Variants in OPCML observed in about 807,000 individuals in gnomAD.
OPCML encodes the protein opioid-binding protein/cell adhesion molecule.
In OPCML, 13 loss-of-function variants were observed where a neutral mutation model predicts 37.8. The ratio of observed to expected loss-of-function variants is 0.34; its 90% CI spans 0.22 to 0.55. The LOEUF is 0.55. OPCML is among the 20% of genes least tolerant of loss of function. The probability of loss-of-function intolerance (pLI) is 0.91; values close to 1 mark genes in which losing one functional copy is unlikely to be tolerated. For missense variants in OPCML, 341 were observed against 435.6 expected (o/e 0.78, Z 1.93); for synonymous variants, 176 against 168.8 (o/e 1.04, Z -0.33).
intron 2 of OPCML, among the ~76,000 whole-genome samples, chr11:132,694,284 C>T (rs780993565): frequency 7.2e-6 from 1 of 139,660 alleles, no homozygotes; most frequent in Non-Finnish European, 1.5e-5. Flanking sequence ...CTGCAATCTC[C>T]GCCTCCGGGG....
chr11:132,815,812 C>A (rs1939601622), intron 2 of OPCML, among the ~76,000 whole-genome samples: 1 of 152,100 alleles, frequency 6.6e-6, no homozygotes, highest in Non-Finnish European at 1.5e-5. Flanking sequence ...GGTTGAAGAT[C>A]TAGAAGAAGA....
At chr11:132,601,984 C>T (rs185621942) in intron 3 of OPCML, among the ~76,000 whole-genome samples, 4 of 152,238 alleles carry the variant, frequency 2.6e-5, no homozygotes, top group East Asian at 1.9e-4. Flanking sequence ...TCCCTCCAGG[C>T]ACTATGATTC....
At chr11:132,447,594 G>A (rs760405999) in intron 4 of OPCML, among the ~76,000 whole-genome samples, 5 of 152,058 alleles carry the variant, frequency 3.3e-5, no homozygotes, top group Non-Finnish European at 7.3e-5. Context: ...ACAGGCGTGA[G>A]CCACCATACC....
At chr11:132,431,544 A>G (rs1043859512) in intron 7 of OPCML, among the ~76,000 whole-genome samples, 11 of 152,198 alleles carry the variant, frequency 7.2e-5, no homozygotes, top group Non-Finnish European at 1.5e-4. Flanking sequence ...AACCGGTGTG[A>G]TAAAGAAGAA....
intron 1 of OPCML, among the ~76,000 whole-genome samples, chr11:133,222,329 A>G (rs1201636778): frequency 6.6e-6 from 1 of 152,210 alleles, no homozygotes; most frequent in Admixed American, 6.5e-5. Context: ...GCCAGGCAGG[A>G]GGTGAAAGTG....
chr11:133,302,226 A>T (rs1236245251), intron 1 of OPCML: 1 of 152,168 alleles, frequency 6.6e-6, no homozygotes, highest in Non-Finnish European at 1.5e-5. Context: ...GGGCAGGACC[A>T]GGTGGAGGTA....
At chr11:133,100,703 ATACAATGGAGTAAAGATAGTC>A (rs1210224874) in intron 1 of OPCML, among the ~76,000 whole-genome samples, 7 of 152,220 alleles carry the variant, frequency 4.6e-5, no homozygotes, top group Admixed American at 4.6e-4. Flanking sequence ...ACCAAAGGCA[ATACAATGGAGTAAAGATAGTC>A]CTCAATGAAT....
At chr11:132,545,191 C>G (rs964993390) in intron 3 of OPCML, among the ~76,000 whole-genome samples, 15 of 152,070 alleles carry the variant, frequency 9.9e-5, no homozygotes, top group African/African-American at 3.6e-4. Context: ...ATACATTAAG[C>G]AGGTATATAG....
intron 1 of OPCML, among the ~76,000 whole-genome samples, chr11:133,225,843 C>T (rs1375853040): frequency 5.3e-5 from 8 of 152,276 alleles, no homozygotes; most frequent in African/African-American, 1.9e-4. Context: ...TAATGAAAAG[C>T]AAGATGGAAA....
At chr11:132,849,828 G>T (rs1258317950) in intron 2 of OPCML, among the ~76,000 whole-genome samples, 3 of 152,170 alleles carry the variant, frequency 2.0e-5, no homozygotes, top group Non-Finnish European at 2.9e-5. Flanking sequence ...GGCAAATGAG[G>T]CCACACACCG....
At chr11:132,830,546 A>G (rs959729691) in intron 2 of OPCML, among the ~76,000 whole-genome samples, 2 of 152,078 alleles carry the variant, frequency 1.3e-5, no homozygotes, top group Non-Finnish European at 2.9e-5. Flanking sequence ...ATTATCATCA[A>G]CCTCTTTCTA....
At chr11:132,800,937 T>A (rs1377637262) in intron 2 of OPCML, among the ~76,000 whole-genome samples, 1 of 152,174 alleles carries the variant, frequency 6.6e-6, no homozygotes, top group African/African-American at 2.4e-5. Flanking sequence ...TATTCTCTGA[T>A]CTTCCATTTT....
At chr11:133,026,270 G>A (rs1947552962) in intron 1 of OPCML, among the ~76,000 whole-genome samples, 1 of 152,174 alleles carries the variant, frequency 6.6e-6, no homozygotes, top group South Asian at 2.1e-4. Flanking sequence ...ATGCATACAT[G>A]TAAAAAATGG....
intron 1 of OPCML, among the ~76,000 whole-genome samples, chr11:133,215,240 G>A (rs1382252655): frequency 1.3e-5 from 2 of 151,990 alleles, no homozygotes; most frequent in Non-Finnish European, 2.9e-5. Context: ...GAGAGAGGAA[G>A]GCCTGATAAT....
chr11:132,861,826 C>G (rs1455245603), intron 2 of OPCML, among the ~76,000 whole-genome samples: 1 of 147,020 alleles, frequency 6.8e-6, no homozygotes, highest in Non-Finnish European at 1.5e-5. Context: ...CAGAGTGAGA[C>G]TCCATCTCAA....
At chr11:133,246,318 A>G (rs1940924895) in intron 1 of OPCML, among the ~76,000 whole-genome samples, 1 of 152,242 alleles carries the variant, frequency 6.6e-6, no homozygotes, top group South Asian at 2.1e-4. Context: ...GTAGAGAAAC[A>G]AACAGAGTTA....
chr11:132,490,104 G>A (rs2096211230), intron 4 of OPCML, among the ~76,000 whole-genome samples: 1 of 151,884 alleles, frequency 6.6e-6, no homozygotes, highest in Non-Finnish European at 1.5e-5. Flanking sequence ...TGGGCATTTG[G>A]GTTGGTTCCA....
chr11:133,358,114 C>T (rs984536305), intron 1 of OPCML, among the ~76,000 whole-genome samples: 4 of 152,200 alleles, frequency 2.6e-5, no homozygotes, highest in African/African-American at 9.6e-5. Context: ...TCTACTTTCC[C>T]TTCTTCATTC....
chr11:133,300,568 T>C (rs1196148923), intron 1 of OPCML: 2 of 152,230 alleles, frequency 1.3e-5, no homozygotes, highest in Non-Finnish European at 2.9e-5. Context: ...TACTTCCTGA[T>C]GAGGTGTCTA....
Sources: gnomAD v4.1 joint callset for allele counts (sites outside exome capture counted in the v4.1 genomes callset) on GRCh38, gnomAD v4.1.1 for gene constraint, MANE v1.5 for transcripts, NCBI Gene and HGNC (gene_info 2026-07-23, HGNC 2026-07-21) for gene names.